XKR4: variants seen among roughly 807,000 people sequenced by gnomAD.
XKR4 encodes the protein XK-related protein 4.
In XKR4, 12 loss-of-function variants were observed where a neutral mutation model predicts 53.9. That is an observed-to-expected ratio of 0.22 (90% confidence interval 0.14 to 0.36). The LOEUF (loss-of-function observed/expected upper bound fraction) is 0.36. Among genes scored for constraint, XKR4 ranks in the 10% least tolerant of loss-of-function variants. The pLI is 1.00. For synonymous variants in XKR4, 354 were observed against 362.4 expected (o/e 0.98, Z 0.26); for missense variants, 799 against 859.5 (o/e 0.93, Z 0.88).
chr8:55,162,130 CTG>C (rs1816993676), intron 1 of XKR4, among the ~76,000 whole-genome samples: 1 of 152,214 alleles, frequency 6.6e-6, no homozygotes, highest in African/African-American at 2.4e-5. Context: ...CCATGTCTGA[CTG>C]TGACTCTTTT....
intron 1 of XKR4, among the ~76,000 whole-genome samples, chr8:55,163,718 GC>G (rs1448928886): frequency 6.6e-6 from 1 of 152,040 alleles, no homozygotes; most frequent in Admixed American, 6.5e-5. Context: ...GATGGCAGGT[GC>G]CCATAATCCC....
intron 2 of XKR4, among the ~76,000 whole-genome samples, chr8:55,443,718 G>A (rs746763843): frequency 6.6e-6 from 1 of 151,170 alleles, no homozygotes; most frequent in Non-Finnish European, 1.5e-5. Context: ...GCCTGTGCCT[G>A]TAGTCCCAGC....
intron 1 of XKR4, among the ~76,000 whole-genome samples, chr8:55,183,285 T>C (rs1257679632): frequency 1.3e-5 from 2 of 151,320 alleles, no homozygotes; most frequent in African/African-American, 4.9e-5. Context: ...TGATCTTTTT[T>C]CCTCTGGTTT....
chr8:55,231,767 A>G lies in XKR4; in HGVS notation c.807-125911A>G, dbSNP rs933917660. On this transcript the variant is annotated intron_variant, in intron 1 of 2. Transcript: ENST00000327381. ...AATAAATGCAGGGGAACATGGACACAGGTTCTAGAGTGGGCAATCCCTCCT... is the reference window on the plus strand; with the variant it reads ...AATAAATGCAGGGGAACATGGACACGGGTTCTAGAGTGGGCAATCCCTCCT... Among the ~76,000 whole-genome samples the G allele has an allele frequency of 6.6e-5, 10 of 152,206 alleles. 1 individual carries two copies. Among genetic ancestry groups the G allele is most frequent in the Admixed American group, 4.6e-4 (7 of 15,282 alleles).
At chr8:55,469,221 T>G (rs1447084022) in intron 2 of XKR4, among the ~76,000 whole-genome samples, 1 of 152,112 alleles carries the variant, frequency 6.6e-6, no homozygotes, top group Non-Finnish European at 1.5e-5. Flanking sequence ...TCTTCAACTT[T>G]CCTGATACGG....
intron 2 of XKR4, among the ~76,000 whole-genome samples, chr8:55,413,856 A>C (rs529049807): frequency 1.6e-4 from 24 of 152,228 alleles, no homozygotes; most frequent in Non-Finnish European, 3.2e-4. Context: ...AAGGAACAAG[A>C]GTATAAAAGT....
chr8:55,333,408 T>C (rs1436724559), intron 1 of XKR4, among the ~76,000 whole-genome samples: 1 of 152,186 alleles, frequency 6.6e-6, no homozygotes. Context: ...AACTGAAGAC[T>C]TAAAGTCTTC....
In XKR4 at chr8:55,219,693, A is replaced by AT. The variant is rs961984132; in HGVS notation, c.806+116407dup. Among the ~76,000 whole-genome samples, 4 of 152,064 alleles carry AT rather than the reference A, an allele frequency of 2.6e-5. No individual in the cohort carries two copies. In the South Asian group the frequency reaches 6.2e-4, roughly 24 times the overall value. On this transcript the variant is annotated intron_variant, in intron 1 of 2. Coordinates refer to ENST00000327381, the MANE Select transcript of XKR4 (RefSeq NM_052898.2). ...CCAGTGTTGACTCCCAGTGAAATAA[A>AT]TTTTTTTTAAAAATCCAAATCTGAG... is the stretch of plus-strand genomic sequence containing the variant.
chr8:55,287,717 G>A (rs542988519), intron 1 of XKR4, among the ~76,000 whole-genome samples: 9 of 152,112 alleles, frequency 5.9e-5, no homozygotes, highest in African/African-American at 1.4e-4. Flanking sequence ...TCCTGTCTTC[G>A]CCATCCCCGT....
intron 1 of XKR4, among the ~76,000 whole-genome samples, chr8:55,295,012 A>G (rs1047150602): frequency 1.3e-5 from 2 of 152,188 alleles, no homozygotes; most frequent in Non-Finnish European, 2.9e-5. Flanking sequence ...TTCTTTCTCC[A>G]TGCCAAATCA....
chr8:55,386,257 C>T (rs1409337862), intron 2 of XKR4, among the ~76,000 whole-genome samples: 2 of 152,130 alleles, frequency 1.3e-5, no homozygotes, highest in Admixed American at 6.6e-5. Context: ...TTCCTGGGTC[C>T]CTCGCGGAGT....
chr8:55,417,371 G>A (rs370271667), intron 2 of XKR4, among the ~76,000 whole-genome samples: 2 of 152,106 alleles, frequency 1.3e-5, no homozygotes, highest in Non-Finnish European at 2.9e-5. Context: ...TGGTTAATTC[G>A]GTTCACACAA....
chr8:55,370,368 A>G (rs1212008492), intron 2 of XKR4, among the ~76,000 whole-genome samples: 1 of 152,222 alleles, frequency 6.6e-6, no homozygotes, highest in African/African-American at 2.4e-5. Context: ...TGTAAAGGGC[A>G]TAATTCTCAG....
At chr8:55,407,704 G>A (rs1804706206) in intron 2 of XKR4, among the ~76,000 whole-genome samples, 1 of 152,264 alleles carries the variant, frequency 6.6e-6, no homozygotes. Context: ...CTGGGCACTA[G>A]AGGTGCTCAC....
In XKR4 at chr8:55,343,433, G is replaced by A. The variant is rs1164257350; in HGVS notation, c.807-14245G>A. Reference sequence around the variant, plus strand: ...GGCTGTTGGCACAGGGAGCTCAGATGCTTTCCTCCTATTGAATTGGTCTCA... The same window carrying A: ...GGCTGTTGGCACAGGGAGCTCAGATACTTTCCTCCTATTGAATTGGTCTCA... On this transcript the variant is annotated intron_variant, in intron 1 of 2. Transcript: ENST00000327381. Among the ~76,000 whole-genome samples the A allele has an allele frequency of 2.0e-5, 3 of 152,210 alleles. No homozygotes were observed. The East Asian group carries it at 5.8e-4, about 29-fold the overall frequency.
intron 1 of XKR4, among the ~76,000 whole-genome samples, chr8:55,210,409 T>A (rs1817714250): frequency 6.6e-6 from 1 of 152,114 alleles, no homozygotes; most frequent in South Asian, 2.1e-4. Flanking sequence ...TTAATTCTGG[T>A]CTTGTAATTT....
At chr8:55,474,118 C>A (rs1805939378) in intron 2 of XKR4, among the ~76,000 whole-genome samples, 1 of 151,878 alleles carries the variant, frequency 6.6e-6, no homozygotes, top group South Asian at 2.1e-4. Flanking sequence ...GCTATGTTAC[C>A]CAGGCTGGTC....
intron 1 of XKR4, among the ~76,000 whole-genome samples, chr8:55,285,744 C>T (rs371295987): frequency 6.6e-6 from 1 of 152,136 alleles, no homozygotes; most frequent in Admixed American, 6.5e-5. Context: ...CTTGGGGATG[C>T]ATGGAGATGG....
At chr8:55,219,701 T>A (rs113707796) in intron 1 of XKR4, among the ~76,000 whole-genome samples, 32 of 152,326 alleles carry the variant, frequency 2.1e-4, no homozygotes, top group Middle Eastern at 3.4e-3. Context: ...AAATTTTTTT[T>A]AAAAATCCAA....
Sources: allele counts gnomAD v4.1 joint callset (sites outside exome capture counted in the v4.1 genomes callset), GRCh38; gene constraint gnomAD v4.1.1; transcripts MANE v1.5; gene names NCBI Gene and HGNC (gene_info 2026-07-23, HGNC 2026-07-21).